SMARCA2: variants seen among roughly 807,000 people sequenced by gnomAD.
SMARCA2 encodes the protein SWI/SNF related BAF chromatin remodeling complex subunit ATPase 2.
In SMARCA2, 61 loss-of-function variants were observed where a neutral mutation model predicts 199.8. The ratio of observed to expected loss-of-function variants is 0.31; its 90% confidence interval spans 0.25 to 0.38. The LOEUF (loss-of-function observed/expected upper bound fraction) is 0.38. Ranked by LOEUF, SMARCA2 falls within the 10% of genes least tolerant of loss-of-function variation. SMARCA2 has a pLI of 1.00. For missense variants in SMARCA2, 1,344 were observed against 2,012.2 expected (o/e 0.67, Z 6.35); for synonymous variants, 935 against 732.0 (o/e 1.28, Z -4.48).
chr9:2,136,291 A>G (rs1824193835), intron 27 of SMARCA2, among the ~76,000 whole-genome samples: 1 of 149,070 alleles, frequency 6.7e-6, no homozygotes. Flanking sequence ...GGGTTCAAAC[A>G]GTTCTTGTGC....
In SMARCA2 at chr9:2,096,884, C is replaced by T. The variant is rs539689904; in HGVS notation, c.2991+120C>T. 1.2e-4 allele frequency: 85 copies of T among 703,282 alleles called. 1 individual carries two copies. The South Asian group carries it at 1.4e-3, about 11-fold the overall frequency. The allele number at this position is 703,282 out of a possible 1,614,324, so 43.6% of individuals were successfully genotyped here. A position where few individuals can be genotyped will look rare whatever the true frequency, so the allele number is the denominator to read the frequency against. On this transcript the variant is annotated intron_variant, in intron 20 of 33. Transcript: ENST00000349721. ...TGATTTGTTAAAGTAAATCACTGGA[C>T]CTCCTTTGAGCTATTATAGCTGCCA... is the stretch of plus-strand genomic sequence containing the variant.
chr9:2,040,015 C>A, intron 4 of SMARCA2, 115 bp downstream of exon 4: 2 of 1,518,696 alleles, frequency 1.3e-6, no homozygotes, highest in Non-Finnish European at 1.8e-6. Context: ...TTTTGTTATA[C>A]CTCACTGGCT....
chr9:2,185,942 C>T (rs1024408821), intron 31 of SMARCA2, among the ~76,000 whole-genome samples, 154 bp from the exon 32 acceptor site: 6 of 152,240 alleles, frequency 3.9e-5, no homozygotes, highest in South Asian at 4.2e-4. Context: ...TTGGGCTTGG[C>T]GTTTTGCTAC....
chr9:2,161,789 A>T lies in SMARCA2; in HGVS notation c.4085A>T (p.Glu1362Val). The part of the protein sequence containing the change: ...VDKDPAKEDV[E>V]KAKKRRGRPP... ...AAAGATCCTGCAAAAGAAGATGTGG[A>T]AAAAGCTAAGAAGAGAAGAGGCCGC... The change falls in exon 28 of 34, where the codon GAA (glutamate) becomes GTA (valine). Residue 1362 changes from glutamate (E) to valine (V), a missense_variant. This residue lies in a region of SMARCA2 where 151 missense variants were observed against 154.0 expected (regional missense o/e 0.98). Transcript: ENST00000349721. The surrounding 1 kb of genome is among the most constrained non-coding windows in gnomAD (Gnocchi z 4.7). The T allele has an allele frequency of 6.2e-7, 1 of 1,614,020 alleles. No homozygotes were observed. Among genetic ancestry groups the T allele is most frequent in the South Asian group, 1.1e-5 (1 of 91,080 alleles).
intron 27 of SMARCA2, among the ~76,000 whole-genome samples, chr9:2,154,345 T>A (rs1825229151): frequency 6.6e-6 from 1 of 152,178 alleles, no homozygotes. Flanking sequence ...TATCTGAAGA[T>A]TTATTAAAAG....
rs868846722 is a variant in SMARCA2, at chr9:2,110,304, C to T, written c.3343C>T (p.Pro1115Ser). Residue 1115 changes from proline (P) to serine (S), a missense_variant, in exon 24 of 34, where the codon CCT becomes TCT. Around this residue, in one of 18 missense-constraint regions of SMARCA2, gnomAD observed 98 missense variants for 245.6 expected, o/e 0.40. Transcript: ENST00000349721. The surrounding 1 kb of genome is among the most constrained non-coding windows in gnomAD (Gnocchi z 4.8). ...TGCTTTGCTGAAGAAATTCAATGAA[C>T]CTGGATCCCAGTATTTCATTTTCTT... is the stretch of plus-strand genomic sequence containing the variant. ...RAALLKKFNE[P>S]GSQYFIFLLS... The T allele has an allele frequency of 1.9e-6, 3 of 1,613,422 alleles. No homozygotes were observed. Among genetic ancestry groups the T allele is most frequent in the Admixed American group, 1.7e-5 (1 of 59,884 alleles).
At chr9:2,182,520 G>C (rs12336114) in intron 31 of SMARCA2, among the ~76,000 whole-genome samples, 3 of 105,746 alleles carry the variant, frequency 2.8e-5, no homozygotes, top group South Asian at 6.3e-4. Flanking sequence ...TTTTGAGGCA[G>C]AATTTCACTG....
In SMARCA2 at chr9:2,182,043, T is replaced by C. The variant is rs1310010847; in HGVS notation, c.4360-98T>C. ...AGATCCCTGGCAGGGCTTTATGCTG[T>C]GAAGACAAAGGGAAAATCAGGCTTT... On this transcript the variant is annotated intron_variant, in intron 30 of 33. Coordinates refer to ENST00000349721, the MANE Select transcript of SMARCA2 (RefSeq NM_003070.5). 4 of 850,638 alleles carry C rather than the reference T, an allele frequency of 4.7e-6. No individual in the cohort carries two copies. The East Asian group carries it at 9.7e-5, about 21-fold the overall frequency. The allele number at this position is 850,638 out of a possible 1,614,324, so 52.7% of individuals were successfully genotyped here. A position where few individuals can be genotyped will look rare whatever the true frequency, so the allele number is the denominator to read the frequency against.
chr9:2,156,345 G>C (rs1168836894), intron 27 of SMARCA2, among the ~76,000 whole-genome samples: 2 of 103,784 alleles, frequency 1.9e-5, no homozygotes, highest in Admixed American at 9.2e-5. Flanking sequence ...CCTTAATTTA[G>C]ATAATTTGGT....
chr9:2,161,636 C>A lies in SMARCA2; in HGVS notation c.3982-50C>A. 4 of 1,284,082 alleles carry A rather than the reference C, an allele frequency of 3.1e-6. No individual in the cohort carries two copies. Among genetic ancestry groups the A allele is most frequent in the Non-Finnish European group, 4.4e-6 (4 of 901,498 alleles). The allele number at this position is 1,284,082 out of a possible 1,614,324, so 79.5% of individuals were successfully genotyped here. On this transcript the variant is annotated intron_variant, in intron 27 of 33. Transcript: ENST00000349721. The surrounding 1 kb of genome is among the most constrained non-coding windows in gnomAD (Gnocchi z 4.7). ...ATAAATATACACATACTTTTTTTGT[C>A]TTGGTTATTCTCTTGTCTTGAATTT... is the stretch of plus-strand genomic sequence containing the variant.
chr9:2,186,971 A>G (rs1378185069), intron 32 of SMARCA2, among the ~76,000 whole-genome samples: 2 of 152,220 alleles, frequency 1.3e-5, no homozygotes, highest in Admixed American at 6.5e-5. Flanking sequence ...TGTTTGATCC[A>G]GTAGCCTGTT....
chr9:2,021,969 G>A (rs1298542074), intron 1 of SMARCA2: 1 of 152,030 alleles, frequency 6.6e-6, no homozygotes, highest in East Asian at 1.9e-4. Flanking sequence ...CGAGATCACA[G>A]AGACCCGGCG....
At chr9:2,150,029 T>A (rs1295069979) in intron 27 of SMARCA2, among the ~76,000 whole-genome samples, 1 of 151,570 alleles carries the variant, frequency 6.6e-6, no homozygotes, top group Non-Finnish European at 1.5e-5. Flanking sequence ...TGCATCTATG[T>A]GTATTTATGT....
chr9:2,173,198 G>T (rs1391357332), intron 29 of SMARCA2, among the ~76,000 whole-genome samples: 1 of 152,148 alleles, frequency 6.6e-6, no homozygotes. Flanking sequence ...GTATGTGTGT[G>T]TGCACATGTG....
intron 19 of SMARCA2, among the ~76,000 whole-genome samples, chr9:2,092,361 A>T (rs1382765869): frequency 1.3e-5 from 2 of 152,216 alleles, no homozygotes; most frequent in Admixed American, 1.3e-4. Context: ...TATTCATTAT[A>T]TCAAATTTTG....
rs538557680 is a variant in SMARCA2 at position 2,173,033 on chromosome 9, T to C, written c.4253+2561T>C. ...AGGGAATAAATATTCAGAGGTAGGA[T>C]TGACAAGACTTAGGGGCAGTCTGGA... On this transcript the variant is annotated intron_variant, in intron 29 of 33. Coordinates refer to ENST00000349721, the MANE Select transcript of SMARCA2 (RefSeq NM_003070.5). 1.2e-4 allele frequency among the ~76,000 whole-genome samples: 18 copies of C among 152,098 alleles called. No homozygotes were observed. In the South Asian group the frequency reaches 1.5e-3, roughly 12 times the overall value.
In SMARCA2 at chr9:2,170,176, C is replaced by G. The variant is rs945160625; in HGVS notation, c.4200-243C>G. On this transcript the variant is annotated intron_variant, in intron 28 of 33. Coordinates refer to ENST00000349721, the MANE Select transcript of SMARCA2 (RefSeq NM_003070.5). The surrounding 1 kb of genome is among the most constrained non-coding windows in gnomAD (Gnocchi z 4.7). ...AGAGGGAACAGGGTAACAGGAATTT[C>G]TGTGTGTGACGGAAGTAGGAAAATC... is the stretch of plus-strand genomic sequence containing the variant. Among the ~76,000 whole-genome samples the G allele has an allele frequency of 2.0e-5, 3 of 152,144 alleles. No individual in the cohort carries two copies. Among genetic ancestry groups the G allele is most frequent in the South Asian group, 2.1e-4 (1 of 4,828 alleles).
intron 4 of SMARCA2, chr9:2,043,999 A>T (rs1348927944): frequency 6.6e-6 from 1 of 152,244 alleles, no homozygotes; most frequent in African/African-American, 2.4e-5. Context: ...CCATTTGAAG[A>T]TACCAGGGAA....
chr9:2,075,909 A>G (rs939910571), intron 12 of SMARCA2, among the ~76,000 whole-genome samples: 1 of 152,222 alleles, frequency 6.6e-6, no homozygotes, highest in African/African-American at 2.4e-5. Flanking sequence ...GAGAGCAGAT[A>G]TGCTCTACAG....
Sources: allele counts gnomAD v4.1 joint callset (sites outside exome capture counted in the v4.1 genomes callset), GRCh38; gene constraint gnomAD v4.1.1; regional missense constraint gnomAD v4.1.1; non-coding constraint Gnocchi (gnomAD v3.1); transcripts MANE v1.5; gene names NCBI Gene and HGNC (gene_info 2026-07-23, HGNC 2026-07-21).